Variants in ACYP2 observed in about 807,000 individuals in gnomAD.
The protein encoded by ACYP2 is acylphosphatase-2.
Under a neutral mutation model 11.2 loss-of-function variants are expected in ACYP2, and 12 were observed. That is an observed-to-expected ratio of 1.08 (90% CI 0.69 to 1.74). The LOEUF (loss-of-function observed/expected upper bound fraction) is 1.74, where lower values mean the gene tolerates loss of function less well. ACYP2 is among the 40% of genes most tolerant of loss of function. The pLI is 0.00. For missense variants in ACYP2, 134 were observed against 101.9 expected (o/e 1.31, Z -1.35); for synonymous variants, 43 against 32.2 (o/e 1.33, Z -1.13).
chr2:54,096,703 C>G (rs1036882018), intron 4 of ACYP2, among the ~76,000 whole-genome samples: 1 of 152,178 alleles, frequency 6.6e-6, no homozygotes, highest in Admixed American at 6.5e-5. Flanking sequence ...TGTGGCGGCG[C>G]GCGCCTGCAA....
At chr2:54,247,099 G>A (rs1216950287) in intron 6 of ACYP2, among the ~76,000 whole-genome samples, 1 of 152,140 alleles carries the variant, frequency 6.6e-6, no homozygotes, top group Non-Finnish European at 1.5e-5. Flanking sequence ...TGTCTCTTAG[G>A]TCTTATAGCA....
At chr2:54,045,149 A>G (rs543101508) in intron 2 of ACYP2, among the ~76,000 whole-genome samples, 44 of 152,296 alleles carry the variant, frequency 2.9e-4, no homozygotes, top group Middle Eastern at 6.8e-3. Context: ...AACGACCCCA[A>G]AAGGAGCTGA....
intron 6 of ACYP2, among the ~76,000 whole-genome samples, chr2:54,206,597 ATT>A (rs1291605264): frequency 6.6e-6 from 1 of 152,230 alleles, no homozygotes; most frequent in Non-Finnish European, 1.5e-5. Flanking sequence ...GATATCCTTT[ATT>A]TATGCCAGGT....
At chr2:53,979,894 G>A (rs1472658734) in intron 2 of ACYP2, among the ~76,000 whole-genome samples, 1 of 151,940 alleles carries the variant, frequency 6.6e-6, no homozygotes, top group Non-Finnish European at 1.5e-5. Flanking sequence ...GTTTCACCAT[G>A]TTGGCCAGGC....
At chr2:54,117,102 G>A (rs1467754179) in intron 4 of ACYP2, among the ~76,000 whole-genome samples, 3 of 152,084 alleles carry the variant, frequency 2.0e-5, no homozygotes, top group Admixed American at 6.5e-5. Context: ...GCAAAGAACC[G>A]AGCATACTGA....
intron 6 of ACYP2, among the ~76,000 whole-genome samples, chr2:54,160,975 G>A (rs916284574): frequency 1.3e-5 from 2 of 152,186 alleles, no homozygotes; most frequent in Non-Finnish European, 2.9e-5. Context: ...CTAGAACAAT[G>A]ATCTCAAAGT....
intron 6 of ACYP2, among the ~76,000 whole-genome samples, chr2:54,180,309 A>G (rs1172071664): frequency 6.6e-6 from 1 of 151,890 alleles, no homozygotes; most frequent in African/African-American, 2.4e-5. Flanking sequence ...ATCATTGGCC[A>G]TTGGAGATCA....
intron 4 of ACYP2, 127 bp downstream of exon 1, chr2:54,115,883 C>A: frequency 8.3e-7 from 1 of 1,211,344 alleles, no homozygotes; most frequent in Non-Finnish European, 1.1e-6. Context: ...TCCGCCATGA[C>A]ACAGCAGCGG....
Position 54,269,989 on chromosome 2 carries a change from T to C in ACYP2, c.405-34699T>C, listed in dbSNP as rs17189792. 6.6e-3 allele frequency among the ~76,000 whole-genome samples: 978 copies of C among 147,404 alleles called. 5 individuals carry two copies. Among genetic ancestry groups the C allele is most frequent in the Non-Finnish European group, 9.0e-3 (614 of 68,006 alleles). Reference sequence around the variant, plus strand: ...TTCCAGTTTTTTGCTATTATAAATATCCTTCCAAGAATTTATTTAGGCATC... The same window carrying C: ...TTCCAGTTTTTTGCTATTATAAATACCCTTCCAAGAATTTATTTAGGCATC... On this transcript the variant is annotated intron_variant, in intron 6 of 6. Coordinates refer to ENST00000607452, the MANE Select transcript of ACYP2 (RefSeq NM_001320586.2).
chr2:54,209,458 A>T (rs929292040), intron 6 of ACYP2, among the ~76,000 whole-genome samples: 1 of 152,204 alleles, frequency 6.6e-6, no homozygotes, highest in Non-Finnish European at 1.5e-5. Context: ...TGATCAGTCA[A>T]CAAGTACACT....
At chr2:54,020,416 A>T (rs1363081048) in intron 2 of ACYP2, among the ~76,000 whole-genome samples, 1 of 152,242 alleles carries the variant, frequency 6.6e-6, no homozygotes, top group Admixed American at 6.5e-5. Flanking sequence ...ACTATAAAAC[A>T]GTGGGTCAAA....
intron 2 of ACYP2, among the ~76,000 whole-genome samples, chr2:53,989,542 C>G (rs1558455795): frequency 6.6e-6 from 1 of 151,958 alleles, no homozygotes; most frequent in Non-Finnish European, 1.5e-5. Flanking sequence ...AGCATCTGAA[C>G]CCACTTGCTA....
rs1051512706 is a variant in ACYP2, at chr2:54,241,585, T to A, written c.405-63103T>A. ...TTTTTCTCCTCCATGAGGTAGAGAT[T>A]CGTCTATGCCAGGAGAAGTGAAGAT... On this transcript the variant is annotated intron_variant, in intron 6 of 6. Coordinates refer to ENST00000607452, the MANE Select transcript of ACYP2 (RefSeq NM_001320586.2). 5.3e-5 allele frequency among the ~76,000 whole-genome samples: 8 copies of A among 152,334 alleles called. No individual in the cohort carries two copies. In the East Asian group the frequency reaches 1.3e-3, roughly 26 times the overall value.
intron 6 of ACYP2, among the ~76,000 whole-genome samples, chr2:54,266,741 T>G (rs10171734): frequency 6.6e-6 from 1 of 151,186 alleles, no homozygotes; most frequent in African/African-American, 2.4e-5. Context: ...AAGTAGCTGG[T>G]ACTACAGGCT....
intron 6 of ACYP2, among the ~76,000 whole-genome samples, chr2:54,173,132 A>C (rs1339201235): frequency 6.6e-6 from 1 of 152,240 alleles, no homozygotes; most frequent in Non-Finnish European, 1.5e-5. Context: ...ACTGTCTTCC[A>C]CAATGGTTGA....
chr2:54,031,301 G>C (rs1573560746), intron 2 of ACYP2, among the ~76,000 whole-genome samples: 1 of 121,210 alleles, frequency 8.3e-6, no homozygotes, highest in African/African-American at 3.4e-5. Flanking sequence ...TCAGGCCCTG[G>C]TGTGTAATGT....
rs144948113 is a variant in ACYP2, at chr2:54,132,895, C to T, written c.278-2558C>T. ...AAGTAGCTAGGATTACAGGCACCCA[C>T]CATTATGCCCAGCTAATTTTTGTAT... On this transcript the variant is annotated intron_variant, in intron 4 of 6. Coordinates refer to ENST00000607452, the MANE Select transcript of ACYP2 (RefSeq NM_001320586.2). 4.4e-3 allele frequency among the ~76,000 whole-genome samples: 675 copies of T among 152,130 alleles called. 5 individuals carry two copies. Among genetic ancestry groups the T allele is most frequent in the African/African-American group, 0.015 (626 of 41,498 alleles).
intron 6 of ACYP2, among the ~76,000 whole-genome samples, chr2:54,150,120 G>T (rs978977943): frequency 3.3e-5 from 5 of 152,136 alleles, no homozygotes; most frequent in African/African-American, 1.2e-4. Context: ...GCAACCCACG[G>T]CCTGTTTTGC....
chr2:54,256,837 T>TTTGTA (rs1260766214), intron 6 of ACYP2, among the ~76,000 whole-genome samples: 2 of 151,996 alleles, frequency 1.3e-5, no homozygotes, highest in African/African-American at 4.8e-5. Context: ...TTTGTTTTGT[T>TTTGTA]TTGTATTTTT....
Sources: allele counts gnomAD v4.1 joint callset (sites outside exome capture counted in the v4.1 genomes callset), GRCh38; gene constraint gnomAD v4.1.1; transcripts MANE v1.5; gene names NCBI Gene and HGNC (gene_info 2026-07-23, HGNC 2026-07-21).